Variants in EXO1 observed in about 807,000 individuals in gnomAD.
EXO1 encodes exonuclease 1.
A neutral mutation model predicts 84.5 loss-of-function variants in EXO1; 69 were observed. That is an observed-to-expected ratio of 0.82 (90% CI 0.67 to 1.00). EXO1 has a LOEUF of 1.00. EXO1 is among the 50% of genes least tolerant of loss of function. EXO1 has a pLI of 0.00. For missense variants in EXO1, 1,045 were observed against 1,000.7 expected (o/e 1.04, Z -0.60); for synonymous variants, 373 against 366.1 (o/e 1.02, Z -0.21).
At chr1:241,867,368 A>G (rs1397199198) in intron 11 of EXO1, among the ~76,000 whole-genome samples, 3 of 152,206 alleles carry the variant, frequency 2.0e-5, no homozygotes, top group African/African-American at 7.2e-5. Flanking sequence ...TTATAAAACC[A>G]TCAGATCTCA....
chr1:241,850,317 G>A (rs989547396), intron 3 of EXO1, 92 bp from the exon 4 acceptor site: 2 of 896,986 alleles, frequency 2.2e-6, no homozygotes, highest in Non-Finnish European at 3.5e-6. Context: ...TTCTGCATTG[G>A]ACTCCAAGCT....
In EXO1 at chr1:241,885,394, TGGGC is replaced by T; in HGVS notation, c.2293_2296del (p.Gly765Ter). Reference sequence around the variant, plus strand: ...AACCTCTAGGACCTGCCAGAGCCAGTGGGCTGAGCAAGAAGCCGGCAAGCATCCA... The same window carrying T: ...AACCTCTAGGACCTGCCAGAGCCAGTTGAGCAAGAAGCCGGCAAGCATCCA... On this transcript the variant is annotated frameshift_variant, in exon 15 of 16. Transcript: ENST00000366548. LOFTEE classifies it high-confidence loss of function. The T allele has an allele frequency of 6.2e-7, 1 of 1,613,750 alleles. No homozygotes were observed. Among genetic ancestry groups the T allele is most frequent in the Non-Finnish European group, 8.5e-7 (1 of 1,179,814 alleles).
At chr1:241,867,712 G>T (rs2148462224) in intron 11 of EXO1, among the ~76,000 whole-genome samples, 1 of 152,014 alleles carries the variant, frequency 6.6e-6, no homozygotes, top group African/African-American at 2.4e-5. Context: ...TGGCACAGCT[G>T]TTTAAAATCA....
intron 4 of EXO1, among the ~76,000 whole-genome samples, chr1:241,851,921 T>C (rs1044213841): frequency 6.6e-6 from 1 of 152,142 alleles, no homozygotes. Flanking sequence ...GAATCCAGTG[T>C]TTATTGTACT....
chr1:241,866,253 A>G (rs536122498), intron 10 of EXO1, among the ~76,000 whole-genome samples: 44 of 152,336 alleles, frequency 2.9e-4, no homozygotes, highest in South Asian at 1.0e-3. Flanking sequence ...AGCTGGGATT[A>G]CAGGCACACG....
intron 5 of EXO1, among the ~76,000 whole-genome samples, chr1:241,853,091 T>G (rs1660757761): frequency 6.6e-6 from 1 of 152,260 alleles, no homozygotes; most frequent in Admixed American, 6.5e-5. Context: ...TTACTACATT[T>G]TCTTTGACAA....
At position 241,860,506 on chromosome 1, in the gene EXO1, T is replaced by C. The variant is rs1334518567; in HGVS notation, c.757-11T>C. On this transcript the variant is annotated splice_polypyrimidine_tract_variant and intron_variant, in intron 8 of 15. Coordinates refer to ENST00000366548, the MANE Select transcript of EXO1 (RefSeq NM_130398.4). ...TAGTTGCAGATAAAATATTTTTGCA[T>C]GCATTGTTAGGTTATCAAGAAAATT... 21 of 1,598,250 alleles carry C rather than the reference T, an allele frequency of 1.3e-5. No homozygotes were observed. Among genetic ancestry groups the C allele is most frequent in the Non-Finnish European group, 1.8e-5 (21 of 1,165,510 alleles).
intron 12 of EXO1, among the ~76,000 whole-genome samples, chr1:241,875,177 T>C (rs1662321179): frequency 6.6e-6 from 1 of 152,120 alleles, no homozygotes; most frequent in Admixed American, 6.5e-5. Flanking sequence ...CTAATTTTTA[T>C]GTTTTTAGAA....
intron 15 of EXO1, among the ~76,000 whole-genome samples, chr1:241,888,496 T>C (rs1174912149): frequency 6.6e-6 from 1 of 152,174 alleles, no homozygotes; most frequent in Non-Finnish European, 1.5e-5. Flanking sequence ...GTGGAAAGGA[T>C]GAACAAAGTC....
At chr1:241,862,414 T>G (rs901868365) in intron 10 of EXO1, among the ~76,000 whole-genome samples, 1 of 152,212 alleles carries the variant, frequency 6.6e-6, no homozygotes. Context: ...AACTCACATC[T>G]CCATCTTTAC....
At chr1:241,872,969 C>G (rs986214906) in intron 12 of EXO1, among the ~76,000 whole-genome samples, 1 of 152,142 alleles carries the variant, frequency 6.6e-6, no homozygotes, top group African/African-American at 2.4e-5. Context: ...ACACTCCCAC[C>G]AACAGTGTAA....
rs1231228641 is a variant in EXO1 at position 241,885,837 on chromosome 1, G to T, written c.2405+330G>T. The stretch of plus-strand genomic sequence containing the variant: ...TGTAAAGAGAATAAAATTTTATTTG[G>T]TTTTTTGTTTTTTGTTTTTTGTTTT... On this transcript the variant is annotated intron_variant, in intron 15 of 15. Coordinates refer to ENST00000366548, the MANE Select transcript of EXO1 (RefSeq NM_130398.4). Among the ~76,000 whole-genome samples, 19 of 5,658 alleles carry T rather than the reference G, an allele frequency of 3.4e-3. 1 individual carries two copies. Among genetic ancestry groups the T allele is most frequent in the Admixed American group, 8.4e-3 (2 of 238 alleles). 3.7% of individuals were successfully genotyped at this position (5,658 alleles called of 152,430 possible).
At position 241,858,580 on chromosome 1, in the gene EXO1, TGGGGATGTATTCACG is replaced by T; in HGVS notation, c.620_634del (p.Gly207_Thr211del). ...CTCGGCTAGGAATGTGCAGACAGCT[TGGGGATGTATTCACG>T]GAAGAGAAGTTTCGTTACATGTGTA... is the stretch of plus-strand genomic sequence containing the variant. On this transcript the variant is annotated inframe_deletion, in exon 8 of 16. Coordinates refer to ENST00000366548, the MANE Select transcript of EXO1 (RefSeq NM_130398.4). The T allele has an allele frequency of 1.2e-6, 2 of 1,614,090 alleles. No individual in the cohort carries two copies. The highest frequency in any genetic ancestry group is 1.7e-6 in the Non-Finnish European group (2 of 1,179,968).
chr1:241,852,564 G>C, intron 5 of EXO1, among the ~76,000 whole-genome samples, 153 bp downstream of exon 5: 1 of 152,190 alleles, frequency 6.6e-6, no homozygotes, highest in African/African-American at 2.4e-5. Context: ...AGGATCACTT[G>C]AGCCCAGGAG....
intron 4 of EXO1, 93 bp downstream of exon 4, chr1:241,850,679 A>T (rs531399175): frequency 1.1e-5 from 11 of 1,000,880 alleles, no homozygotes; most frequent in Non-Finnish European, 1.6e-5. Context: ...TTTTCACTCA[A>T]TGCCAGAACT....
At chr1:241,863,979 T>C (rs1200523922) in intron 10 of EXO1, among the ~76,000 whole-genome samples, 1 of 152,184 alleles carries the variant, frequency 6.6e-6, no homozygotes, top group Non-Finnish European at 1.5e-5. Flanking sequence ...TTTTTGAAGA[T>C]TTAGATGTCA....
chr1:241,860,145 T>C (rs1661294064), intron 8 of EXO1, among the ~76,000 whole-genome samples: 1 of 152,198 alleles, frequency 6.6e-6, no homozygotes, highest in African/African-American at 2.4e-5. Flanking sequence ...AAATATGATC[T>C]AGAAATATTT....
rs1173845055 is a variant in EXO1 at position 241,860,567 on chromosome 1, G to A, written c.807G>A (p.Glu269=). 2 of 1,613,990 alleles carry A rather than the reference G, an allele frequency of 1.2e-6. No homozygotes were observed. The highest frequency in any genetic ancestry group is 1.1e-5 in the South Asian group (1 of 91,068). Residue 269 remains glutamate (E), a synonymous_variant, in exon 9 of 16, where the codon GAG becomes GAA. Transcript: ENST00000366548. ...TCAAGATGAATATCACGGTACCAGAGGATTACATCAACGGGTTTATTCGGG... is the reference window on the plus strand; with the variant it reads ...TCAAGATGAATATCACGGTACCAGAAGATTACATCAACGGGTTTATTCGGG... ...HYLKMNITVP[E]DYINGFIRAN...
At chr1:241,879,601 A>G (rs922046449) in intron 13 of EXO1, among the ~76,000 whole-genome samples, 2 of 152,176 alleles carry the variant, frequency 1.3e-5, no homozygotes, top group Non-Finnish European at 2.9e-5. Context: ...GAGTATCTCA[A>G]GGGGTGCCAC....
Sources: gnomAD v4.1 joint callset for allele counts (sites outside exome capture counted in the v4.1 genomes callset) on GRCh38, gnomAD v4.1.1 for gene constraint, MANE v1.5 for transcripts, NCBI Gene and HGNC (gene_info 2026-07-23, HGNC 2026-07-21) for gene names.